The following GBE1 variants were observed in gnomAD, a reference collection of about 807,000 sequenced individuals.
The protein encoded by GBE1 is 1,4-alpha-glucan branching enzyme 1, also known as 1,4-alpha-glucan-branching enzyme.
A neutral mutation model predicts 88.8 loss-of-function variants in GBE1; 70 were observed. The observed-to-expected ratio is 0.79, with a 90% CI of 0.65 to 0.96. The LOEUF (loss-of-function observed/expected upper bound fraction) is 0.96. Ranked by LOEUF, GBE1 falls within the 40% of genes least tolerant of loss-of-function variation. The pLI is 0.00. For missense variants in GBE1, 872 were observed against 871.0 expected (o/e 1.00, Z -0.01); for synonymous variants, 284 against 300.1 (o/e 0.95, Z 0.56).
chr3:81,594,202 T>C (rs1473032033), intron 7 of GBE1, among the ~76,000 whole-genome samples, 179 bp from the exon 8 acceptor site: 3 of 152,102 alleles, frequency 2.0e-5, no homozygotes, highest in Non-Finnish European at 2.9e-5. Flanking sequence ...TTGATGAAAC[T>C]CATTCTAAAA....
chr3:81,755,142 T>C (rs150867111), intron 1 of GBE1, among the ~76,000 whole-genome samples: 60 of 152,070 alleles, frequency 3.9e-4, no homozygotes, highest in Middle Eastern at 6.8e-3. Context: ...AATCTGACTT[T>C]AAAATGGGCG....
At chr3:81,750,567 A>ATATATATG (rs1559708441) in intron 1 of GBE1, among the ~76,000 whole-genome samples, 4 of 69,866 alleles carry the variant, frequency 5.7e-5, no homozygotes, top group African/African-American at 2.5e-4. Context: ...ATATATGTAT[A>ATATATATG]TATATATACG....
intron 14 of GBE1, among the ~76,000 whole-genome samples, chr3:81,518,768 A>G (rs567375730): frequency 6.6e-6 from 1 of 151,688 alleles, no homozygotes; most frequent in South Asian, 2.1e-4. Flanking sequence ...ACCTATATTA[A>G]ATATAAAATT....
intron 1 of GBE1, among the ~76,000 whole-genome samples, chr3:81,748,539 AGGCG>A (rs897893535): frequency 2.0e-4 from 30 of 152,074 alleles, no homozygotes; most frequent in African/African-American, 7.0e-4. Flanking sequence ...TGAACCCGGG[AGGCG>A]GAGCTTGCAG....
intron 12 of GBE1, among the ~76,000 whole-genome samples, chr3:81,556,835 C>G (rs1703355771): frequency 6.6e-6 from 1 of 151,966 alleles, no homozygotes; most frequent in Non-Finnish European, 1.5e-5. Context: ...ATGTGTCATA[C>G]AGTGGGTGAA....
chr3:81,593,189 C>A (rs924670639), intron 8 of GBE1, among the ~76,000 whole-genome samples: 1 of 151,732 alleles, frequency 6.6e-6, no homozygotes, highest in East Asian at 1.9e-4. Context: ...AGGGTGAAAC[C>A]CCGTCTCTAT....
intron 7 of GBE1, among the ~76,000 whole-genome samples, chr3:81,620,341 C>T (rs2107011562): frequency 6.6e-6 from 1 of 152,094 alleles, no homozygotes; most frequent in South Asian, 2.1e-4. Context: ...TGCCACCACG[C>T]CCGGCCATTT....
chr3:81,596,170 T>C (rs1290099737), intron 7 of GBE1, among the ~76,000 whole-genome samples: 1 of 151,968 alleles, frequency 6.6e-6, no homozygotes, highest in Non-Finnish European at 1.5e-5. Context: ...AGAAATTTTA[T>C]TTTTTAACCA....
intron 14 of GBE1, among the ~76,000 whole-genome samples, chr3:81,508,436 G>C (rs1408978006): frequency 6.6e-6 from 1 of 151,834 alleles, no homozygotes; most frequent in Non-Finnish European, 1.5e-5. Context: ...ATGAAGCGAT[G>C]GCAATTATTT....
chr3:81,757,696 A>G (rs1270169912), intron 1 of GBE1, among the ~76,000 whole-genome samples: 2 of 152,230 alleles, frequency 1.3e-5, no homozygotes, highest in African/African-American at 4.8e-5. Flanking sequence ...TTGGGTTGAC[A>G]GGGACAAACA....
At chr3:81,635,155 G>C (rs1402303704) in intron 7 of GBE1, among the ~76,000 whole-genome samples, 1 of 152,124 alleles carries the variant, frequency 6.6e-6, no homozygotes, top group Non-Finnish European at 1.5e-5. Flanking sequence ...AATTTGAAAG[G>C]CTATACAGGT....
At position 81,702,532 on chromosome 3, in the gene GBE1, C is replaced by T. The variant is rs1705714705; in HGVS notation, c.313+2912G>A. Among the ~76,000 whole-genome samples the T allele has an allele frequency of 2.0e-5, 3 of 152,132 alleles. No individual in the cohort carries two copies. The South Asian group carries it at 6.2e-4, about 31-fold the overall frequency. ...CTGTCACAATTTCATTTACTGTAGT[C>T]TTTTCTTATCTCTTCAATAAAAATA... On this transcript the variant is annotated intron_variant, in intron 2 of 15. Transcript: ENST00000429644.
intron 1 of GBE1, among the ~76,000 whole-genome samples, chr3:81,718,511 A>G (rs1705974792): frequency 6.6e-6 from 1 of 152,188 alleles, no homozygotes; most frequent in South Asian, 2.1e-4. Flanking sequence ...AGGTTAAGCA[A>G]TCTTGCTCAA....
chr3:81,516,683 T>A lies in GBE1; in HGVS notation c.1935-17456A>T, dbSNP rs1271621408. ...TCTGGAAAGGATTCACCATTCTAGA[T>A]GCCATTAAGAACATTTGTGATTCAT... On this transcript the variant is annotated intron_variant, in intron 14 of 15. Coordinates refer to ENST00000429644, the MANE Select transcript of GBE1 (RefSeq NM_000158.4). 2.6e-5 allele frequency among the ~76,000 whole-genome samples: 4 copies of A among 151,474 alleles called. No homozygotes were observed. The Admixed American group carries it at 2.6e-4, about 10-fold the overall frequency.
intron 12 of GBE1, among the ~76,000 whole-genome samples, chr3:81,552,555 T>TCAAAATA (rs1353911573): frequency 4.4e-5 from 6 of 135,158 alleles, no homozygotes. Flanking sequence ...AAGAAGGCTG[T>TCAAAATA]CAAAATAAAC....
At chr3:81,529,842 T>C (rs1440755206) in intron 14 of GBE1, among the ~76,000 whole-genome samples, 1 of 151,978 alleles carries the variant, frequency 6.6e-6, no homozygotes, top group East Asian at 1.9e-4. Context: ...TGTCCTTGAG[T>C]ATTGATATCT....
intron 1 of GBE1, among the ~76,000 whole-genome samples, chr3:81,739,594 A>C (rs1706318714): frequency 6.6e-6 from 1 of 152,178 alleles, no homozygotes; most frequent in Non-Finnish European, 1.5e-5. Flanking sequence ...GGACCTAGGA[A>C]TTGATCTTTC....
intron 2 of GBE1, among the ~76,000 whole-genome samples, chr3:81,694,259 A>G (rs1705561520): frequency 6.6e-6 from 1 of 152,146 alleles, no homozygotes; most frequent in Admixed American, 6.6e-5. Context: ...GGAGGGAAAA[A>G]GGGAGGAGAG....
At chr3:81,640,625 A>T (rs1576181463) in intron 7 of GBE1, among the ~76,000 whole-genome samples, 1 of 150,934 alleles carries the variant, frequency 6.6e-6, no homozygotes, top group East Asian at 1.9e-4. Flanking sequence ...TTCATATATA[A>T]ATATATATAT....
Sources: gnomAD v4.1 joint callset for allele counts (sites outside exome capture counted in the v4.1 genomes callset) on GRCh38, gnomAD v4.1.1 for gene constraint, MANE v1.5 for transcripts, NCBI Gene and HGNC (gene_info 2026-07-23, HGNC 2026-07-21) for gene names.